Variants in LIPI observed in about 807,000 individuals in gnomAD.
The protein encoded by LIPI is lipase member I.
Under a neutral mutation model 50.6 loss-of-function variants are expected in LIPI, and 59 were observed. The ratio of observed to expected loss-of-function variants is 1.16; its 90% CI spans 0.94 to 1.45. The LOEUF (loss-of-function observed/expected upper bound fraction) is 1.45, where lower values mean the gene tolerates loss of function less well. Among genes scored for constraint, LIPI ranks in the 40% most tolerant of loss-of-function variants. LIPI has a pLI of 0.00. For missense variants in LIPI, 586 were observed against 536.3 expected (o/e 1.09, Z -0.92); for synonymous variants, 203 against 178.2 (o/e 1.14, Z -1.11).
intron 3 of LIPI, among the ~76,000 whole-genome samples, chr21:14,182,662 T>A (rs1000275145): frequency 6.6e-6 from 1 of 151,648 alleles, no homozygotes; most frequent in African/African-American, 2.4e-5. Context: ...ACAAGGGATG[T>A]GAAGGACCTC....
At chr21:14,114,572 G>A (rs982223469) in intron 9 of LIPI, among the ~76,000 whole-genome samples, 6 of 152,092 alleles carry the variant, frequency 3.9e-5, no homozygotes, top group South Asian at 2.1e-4. Context: ...CTGGAGGGTC[G>A]GACTCAGAGG....
rs187414225 is a variant in LIPI at position 14,114,615 on chromosome 21, G to A, written c.1296-5535C>T. ...CCCCGAAACTTCAACATGTAGGGAAGAGCCATGACCACTGCCCGATAAATC... is the reference window on the plus strand; with the variant it reads ...CCCCGAAACTTCAACATGTAGGGAAAAGCCATGACCACTGCCCGATAAATC... On this transcript the variant is annotated intron_variant, in intron 9 of 9. Transcript: ENST00000681601. Among the ~76,000 whole-genome samples, 612 of 152,282 alleles carry A rather than the reference G, an allele frequency of 4.0e-3. 6 individuals are homozygous for A. The highest frequency in any genetic ancestry group is 0.014 in the African/African-American group (583 of 41,554).
intron 1 of LIPI, among the ~76,000 whole-genome samples, chr21:14,203,983 G>T (rs1001804987): frequency 4.0e-5 from 6 of 151,832 alleles, no homozygotes; most frequent in African/African-American, 1.5e-4. Flanking sequence ...AATTAACACA[G>T]AAACAGAAAA....
At chr21:14,141,176 T>A (rs999481966) in intron 9 of LIPI, among the ~76,000 whole-genome samples, 3 of 152,138 alleles carry the variant, frequency 2.0e-5, no homozygotes, top group Non-Finnish European at 2.9e-5. Context: ...AATTTTTTTT[T>A]ATTACATCCG....
At chr21:14,194,491 C>A (rs2019778121) in intron 1 of LIPI, among the ~76,000 whole-genome samples, 1 of 151,862 alleles carries the variant, frequency 6.6e-6, no homozygotes, top group African/African-American at 2.4e-5. Context: ...TTGACACATA[C>A]TACAATAAGA....
At chr21:14,147,610 C>T (rs78580517) in intron 8 of LIPI, among the ~76,000 whole-genome samples, 78 of 152,252 alleles carry the variant, frequency 5.1e-4, no homozygotes, top group South Asian at 4.4e-3. Context: ...ATCCCCTATT[C>T]CTAGCACAGA....
At chr21:14,137,903 G>A (rs1295917125) in intron 9 of LIPI, among the ~76,000 whole-genome samples, 4 of 152,138 alleles carry the variant, frequency 2.6e-5, no homozygotes, top group Admixed American at 1.3e-4. Context: ...AGTACTCCTG[G>A]TGCCAGACTT....
At chr21:14,171,554 C>T (rs1228201978) in intron 4 of LIPI, among the ~76,000 whole-genome samples, 9 of 150,142 alleles carry the variant, frequency 6.0e-5, no homozygotes, top group South Asian at 4.3e-4. Context: ...CTCTCAGAAA[C>T]AATGCCGCAT....
intron 4 of LIPI, among the ~76,000 whole-genome samples, chr21:14,173,165 G>A (rs553302772): frequency 2.0e-5 from 3 of 152,288 alleles, no homozygotes; most frequent in African/African-American, 4.8e-5. Context: ...TACGCTCGGC[G>A]AAGAAGCCAG....
At chr21:14,119,810 C>T (rs778824261) in intron 9 of LIPI, among the ~76,000 whole-genome samples, 16 of 152,152 alleles carry the variant, frequency 1.1e-4, no homozygotes, top group Non-Finnish European at 2.2e-4. Flanking sequence ...GACTTTGTGG[C>T]TAAGGGATGG....
chr21:14,196,619 G>C (rs557548774), intron 1 of LIPI, among the ~76,000 whole-genome samples: 5 of 152,154 alleles, frequency 3.3e-5, no homozygotes, highest in Middle Eastern at 3.4e-3. Context: ...TGGAGGCTAG[G>C]AGTTCAAGAC....
chr21:14,142,222 T>C (rs2017736399), intron 9 of LIPI, among the ~76,000 whole-genome samples: 1 of 152,044 alleles, frequency 6.6e-6, no homozygotes, highest in Admixed American at 6.6e-5. Context: ...AGATGACAGG[T>C]TGATGGGTGC....
Position 14,194,140 on chromosome 21 carries a change from A to C in LIPI, c.47-4721T>G, listed in dbSNP as rs1022709929. 2.0e-5 allele frequency among the ~76,000 whole-genome samples: 3 copies of C among 152,134 alleles called. No individual in the cohort carries two copies. The East Asian group carries it at 5.8e-4, about 29-fold the overall frequency. ...TACTTGCTAAAAACACACACACACA[A>C]AAATGGAAAATAACAACTGTTGGTG... On this transcript the variant is annotated intron_variant, in intron 1 of 9. Coordinates refer to ENST00000681601, the MANE Select transcript of LIPI (RefSeq NM_001302998.2).
chr21:14,117,356 T>C (rs978233059), intron 9 of LIPI, among the ~76,000 whole-genome samples: 2 of 152,176 alleles, frequency 1.3e-5, no homozygotes, highest in African/African-American at 4.8e-5. Flanking sequence ...CTTCTGTCAC[T>C]GTTCAATACA....
intron 1 of LIPI, among the ~76,000 whole-genome samples, chr21:14,200,206 C>A (rs1488703842): frequency 6.6e-6 from 1 of 152,034 alleles, no homozygotes; most frequent in Non-Finnish European, 1.5e-5. Flanking sequence ...CAAGGATACC[C>A]TCTCTCACCA....
intron 4 of LIPI, among the ~76,000 whole-genome samples, chr21:14,180,255 C>A (rs2019227844): frequency 6.6e-6 from 1 of 152,176 alleles, no homozygotes; most frequent in Non-Finnish European, 1.5e-5. Context: ...ACAATACATG[C>A]ACTGCTGAAC....
At chr21:14,171,938 A>C (rs2018925085) in intron 4 of LIPI, among the ~76,000 whole-genome samples, 1 of 150,338 alleles carries the variant, frequency 6.7e-6, no homozygotes, top group Non-Finnish European at 1.5e-5. Flanking sequence ...CAACCTACAA[A>C]ATGGGAGAAA....
At chr21:14,152,468 C>A (rs890800160) in intron 8 of LIPI, 105 bp downstream of exon 8, 1 of 644,064 alleles carries the variant, frequency 1.6e-6, no homozygotes, top group African/African-American at 1.8e-5. Context: ...TTAAGACTCT[C>A]TAGATTAAAA....
intron 9 of LIPI, among the ~76,000 whole-genome samples, chr21:14,121,582 C>A (rs967959257): frequency 1.3e-5 from 2 of 152,236 alleles, no homozygotes; most frequent in African/African-American, 2.4e-5. Flanking sequence ...GTTAGCCTTA[C>A]AGATGCAATA....
Sources: allele counts gnomAD v4.1 joint callset (sites outside exome capture counted in the v4.1 genomes callset), GRCh38; gene constraint gnomAD v4.1.1; transcripts MANE v1.5; gene names NCBI Gene and HGNC (gene_info 2026-07-23, HGNC 2026-07-21).